Variants in PARM1 observed in about 807,000 individuals in gnomAD.
PARM1 encodes the protein WSC4, cell wall integrity and stress response component 4 homolog.
A neutral mutation model predicts 24.6 loss-of-function variants in PARM1; 14 were observed. That is an observed-to-expected ratio of 0.57 (90% confidence interval 0.38 to 0.89). The LOEUF (loss-of-function observed/expected upper bound fraction) is 0.89, where lower values mean the gene tolerates loss of function less well. Among genes scored for constraint, PARM1 ranks in the 40% least tolerant of loss-of-function variants. The probability of loss-of-function intolerance (pLI) is 0.00; values close to 1 mark genes in which losing one functional copy is unlikely to be tolerated. For missense variants in PARM1, 362 were observed against 380.4 expected (o/e 0.95, Z 0.40); for synonymous variants, 179 against 156.6 (o/e 1.14, Z -1.07).
At chr4:74,966,445 C>A (rs1386616769) in intron 1 of PARM1, among the ~76,000 whole-genome samples, 3 of 152,112 alleles carry the variant, frequency 2.0e-5, no homozygotes, top group Non-Finnish European at 4.4e-5. Context: ...AGTTGCTAAA[C>A]CAACTGAAGA....
At chr4:74,944,122 A>G (rs1052675601) in intron 1 of PARM1, among the ~76,000 whole-genome samples, 1 of 152,198 alleles carries the variant, frequency 6.6e-6, no homozygotes, top group East Asian at 1.9e-4. Flanking sequence ...CAAGGTTGGC[A>G]TATCCCCCAG....
chr4:75,043,577 G>C (rs1203923515), intron 3 of PARM1, among the ~76,000 whole-genome samples: 1 of 152,192 alleles, frequency 6.6e-6, no homozygotes, highest in Non-Finnish European at 1.5e-5. Flanking sequence ...TGAAGCAGGA[G>C]TACCCTATCA....
chr4:74,946,266 C>T (rs1368980647), intron 1 of PARM1, among the ~76,000 whole-genome samples: 1 of 152,230 alleles, frequency 6.6e-6, no homozygotes, highest in Non-Finnish European at 1.5e-5. Flanking sequence ...CCCCCATTCC[C>T]TTGAACTACC....
Position 74,978,526 on chromosome 4 carries a change from C to T in PARM1, c.44-33899C>T, listed in dbSNP as rs76278957. On this transcript the variant is annotated intron_variant, in intron 1 of 3. Coordinates refer to ENST00000307428, the MANE Select transcript of PARM1 (RefSeq NM_015393.4). The stretch of plus-strand genomic sequence containing the variant: ...ACATAATAGTGGGAGAGTTTAACAC[C>T]CTACTGTCATTATGAGATAGATCAT... Among the ~76,000 whole-genome samples, 3 of 152,100 alleles carry T rather than the reference C, an allele frequency of 2.0e-5. No homozygotes were observed. The East Asian group carries it at 5.8e-4, about 29-fold the overall frequency.
intron 1 of PARM1, among the ~76,000 whole-genome samples, chr4:74,962,082 A>G (rs942019967): frequency 1.5e-4 from 23 of 152,300 alleles, no homozygotes; most frequent in African/African-American, 5.5e-4. Flanking sequence ...TATTTAAGAA[A>G]TTAATGCATA....
intron 1 of PARM1, among the ~76,000 whole-genome samples, chr4:74,998,295 A>G (rs984811420): frequency 6.6e-6 from 1 of 152,216 alleles, no homozygotes; most frequent in Non-Finnish European, 1.5e-5. Flanking sequence ...TTTTCAGCAG[A>G]GATGCAAACT....
intron 1 of PARM1, among the ~76,000 whole-genome samples, chr4:74,988,469 A>G (rs964613563): frequency 1.3e-5 from 2 of 152,178 alleles, no homozygotes; most frequent in East Asian, 1.9e-4. Context: ...AGTGGGAGAG[A>G]TAAGAGAGAC....
At chr4:74,984,778 C>T (rs1489822505) in intron 1 of PARM1, among the ~76,000 whole-genome samples, 1 of 152,156 alleles carries the variant, frequency 6.6e-6, no homozygotes, top group Non-Finnish European at 1.5e-5. Context: ...AGCCTTCAGC[C>T]TATTTTTGTT....
intron 1 of PARM1, among the ~76,000 whole-genome samples, chr4:74,955,769 C>G (rs114082633): frequency 6.6e-6 from 1 of 152,228 alleles, no homozygotes; most frequent in Non-Finnish European, 1.5e-5. Context: ...AATGGAGGAG[C>G]AGAATGCTCA....
At chr4:74,974,526 A>G (rs993362290) in intron 1 of PARM1, among the ~76,000 whole-genome samples, 7 of 152,180 alleles carry the variant, frequency 4.6e-5, no homozygotes, top group African/African-American at 1.4e-4. Context: ...TCCCAGCACT[A>G]GCCTGTCAGA....
At chr4:74,982,613 C>T (rs564369479) in intron 1 of PARM1, among the ~76,000 whole-genome samples, 1 of 152,156 alleles carries the variant, frequency 6.6e-6, no homozygotes, top group Non-Finnish European at 1.5e-5. Flanking sequence ...AAAATGAAGT[C>T]AGTGAATCCT....
intron 1 of PARM1, among the ~76,000 whole-genome samples, chr4:74,945,484 A>G (rs937837236): frequency 1.4e-4 from 22 of 152,216 alleles, no homozygotes; most frequent in African/African-American, 4.8e-4. Context: ...AACCTCAACA[A>G]TGTTTACCGG....
chr4:74,990,949 A>G (rs1034585391), intron 1 of PARM1, among the ~76,000 whole-genome samples: 2 of 152,170 alleles, frequency 1.3e-5, no homozygotes, highest in African/African-American at 4.8e-5. Flanking sequence ...GAAGACAGAG[A>G]TAAGAGAAAG....
rs563147704 is a variant in PARM1 at position 74,963,118 on chromosome 4, CTG to C, written c.43+29750_43+29751del. Among the ~76,000 whole-genome samples, 3 of 152,348 alleles carry C rather than the reference CTG, an allele frequency of 2.0e-5. No individual in the cohort carries two copies. The South Asian group carries it at 6.2e-4, about 32-fold the overall frequency. ...GTTTCTCCTTTGCCTTCTGCTATGA[CTG>C]TAAGTTTTCTGAGGCTTCCCCAGCA... On this transcript the variant is annotated intron_variant, in intron 1 of 3. Coordinates refer to ENST00000307428, the MANE Select transcript of PARM1 (RefSeq NM_015393.4).
At chr4:74,995,896 G>A (rs188365035) in intron 1 of PARM1, among the ~76,000 whole-genome samples, 3 of 152,092 alleles carry the variant, frequency 2.0e-5, no homozygotes, top group African/African-American at 2.4e-5. Context: ...GAGCTCACAC[G>A]TGTCTTACAA....
chr4:75,030,773 G>A (rs1363316855), intron 2 of PARM1, among the ~76,000 whole-genome samples: 1 of 152,078 alleles, frequency 6.6e-6, no homozygotes, highest in African/African-American at 2.4e-5. Context: ...CCTTCCCCAT[G>A]TCTCCACTCC....
At chr4:74,943,000 C>A (rs928434562) in intron 1 of PARM1, among the ~76,000 whole-genome samples, 3 of 152,192 alleles carry the variant, frequency 2.0e-5, no homozygotes, top group Non-Finnish European at 4.4e-5. Flanking sequence ...CACAGGACTA[C>A]CAGAAGCACA....
intron 3 of PARM1, 114 bp downstream of exon 3, chr4:75,034,075 T>C: frequency 2.4e-6 from 2 of 824,880 alleles, no homozygotes; most frequent in East Asian, 2.7e-5. Context: ...TTAGAAATAT[T>C]GGCAGAGAAG....
At position 75,012,685 on chromosome 4, in the gene PARM1, A is replaced by G. The variant is rs776489966; in HGVS notation, c.304A>G (p.Thr102Ala). Residue 102 changes from threonine (T) to alanine (A), a missense_variant, in exon 2 of 4, where the codon ACA becomes GCA. Coordinates refer to ENST00000307428, the MANE Select transcript of PARM1 (RefSeq NM_015393.4). ...AGGTTCGAATTGGGAAGGCACAAAC[A>G]CAGACCCCTCACCTTCTGGGTTCTC... is the stretch of plus-strand genomic sequence containing the variant. ...SPGSNWEGTN[T>A]DPSPSGFSST... The G allele has an allele frequency of 7.4e-6, 12 of 1,613,850 alleles. No individual in the cohort carries two copies. Among genetic ancestry groups the G allele is most frequent in the Non-Finnish European group, 6.8e-6 (8 of 1,179,882 alleles).
Sources: allele counts gnomAD v4.1 joint callset (sites outside exome capture counted in the v4.1 genomes callset), GRCh38; gene constraint gnomAD v4.1.1; transcripts MANE v1.5; gene names NCBI Gene and HGNC (gene_info 2026-07-23, HGNC 2026-07-21).